The following ADCY1 variants were observed in gnomAD, a reference collection of about 807,000 sequenced individuals.
The protein encoded by ADCY1 is adenylate cyclase type 1.
ADCY1 carries 28 observed loss-of-function variants against 105.4 expected under a neutral mutation model. The observed-to-expected ratio is 0.27, with a 90% CI of 0.20 to 0.36. The LOEUF (loss-of-function observed/expected upper bound fraction) is 0.36, where lower values mean the gene tolerates loss of function less well. ADCY1 is among the 10% of genes least tolerant of loss of function. ADCY1 has a pLI of 1.00. For synonymous variants in ADCY1, 655 were observed against 623.8 expected, an observed-to-expected ratio of 1.05 and a Z score of -0.75; for missense variants, 977 against 1,434.2, an observed-to-expected ratio of 0.68 and a Z score of 5.15.
chr7:45,598,813 C>G (rs991223128), intron 2 of ADCY1, among the ~76,000 whole-genome samples: 1 of 152,238 alleles, frequency 6.6e-6, no homozygotes, highest in Non-Finnish European at 1.5e-5. Flanking sequence ...AGAAAGCTCG[C>G]TCTCTGAGCC....
intron 1 of ADCY1, among the ~76,000 whole-genome samples, chr7:45,581,399 A>G (rs930382160): frequency 2.6e-5 from 4 of 152,188 alleles, no homozygotes; most frequent in African/African-American, 9.7e-5. Flanking sequence ...AAATGTTGGG[A>G]GAGACTCCCA....
chr7:45,625,105 G>A (rs947641865), intron 4 of ADCY1, among the ~76,000 whole-genome samples: 23 of 152,212 alleles, frequency 1.5e-4, no homozygotes. Flanking sequence ...ACGGAGAGCT[G>A]CCTGCTGCTC....
In ADCY1 at chr7:45,655,777, G is replaced by C. The variant is rs78306223; in HGVS notation, c.1149-1950G>C. On this transcript the variant is annotated intron_variant, in intron 5 of 19. Coordinates refer to ENST00000297323, the MANE Select transcript of ADCY1 (RefSeq NM_021116.4). ...TCGAGGGGATCTGGGGATGAAGGTG[G>C]GCATGGGTCCCAGAAGTCTCCGTGC... Among the ~76,000 whole-genome samples, 736 of 152,242 alleles carry C rather than the reference G, an allele frequency of 4.8e-3. 10 individuals carry two copies. Among genetic ancestry groups the C allele is most frequent in the African/African-American group, 0.017 (708 of 41,530 alleles).
At chr7:45,607,169 G>T (rs1734662450) in intron 2 of ADCY1, among the ~76,000 whole-genome samples, 1 of 152,200 alleles carries the variant, frequency 6.6e-6, no homozygotes, top group Non-Finnish European at 1.5e-5. Context: ...GGTTAGAAAT[G>T]CAGTTGTCCT....
At chr7:45,574,270 G>C (rs1792243422), upstream of ADCY1, 1 of 434,566 alleles carries the variant, frequency 2.3e-6, no homozygotes, top group African/African-American at 2.2e-5. This position sits in a 1 kb window ranked among gnomAD's most constrained non-coding sequence, Gnocchi z 7.0. Flanking sequence ...GCCCAGGTTC[G>C]CGGCTCCCGG....
At position 45,574,593 on chromosome 7, in the gene ADCY1, A is replaced by G. The variant is rs2115673824; in HGVS notation, c.50A>G (p.Glu17Gly). The change falls in exon 1 of 20, where the codon GAG becomes GGG. Residue 17 changes from glutamate to glycine, a missense_variant. By Grantham distance (98) the Glu-to-Gly change is moderately conservative. Coordinates refer to ENST00000297323, the MANE Select transcript of ADCY1 (RefSeq NM_021116.4). The surrounding 1 kb of genome is among the most constrained non-coding windows in gnomAD (Gnocchi z 7.0). ...GGCGGCGGCGGAGGCGGCGCGGGCGAGCCCGGGGGCGCCGAGCGGGCGGCC... is the reference window on the plus strand; with the variant it reads ...GGCGGCGGCGGAGGCGGCGCGGGCGGGCCCGGGGGCGCCGAGCGGGCGGCC... ...GGGGGGGGAG[E>G]PGGAERAAGT... 9.3e-7 allele frequency: 1 copy of G among 1,071,296 alleles called. No homozygotes were observed. The highest frequency in any genetic ancestry group is 1.1e-6 in the Non-Finnish European group (1 of 888,234). 66.4% of individuals were successfully genotyped at this position (1,071,296 alleles called of 1,614,324 possible).
Position 45,703,814 on chromosome 7 carries a change from C to G in ADCY1, c.2718+68C>G. 6.7e-7 allele frequency: 1 copy of G among 1,502,396 alleles called. No homozygotes were observed. The highest frequency in any genetic ancestry group is 1.4e-5 in the African/African-American group (1 of 71,606). The allele number at this position is 1,502,396 out of a possible 1,614,324, so 93.1% of individuals were successfully genotyped here. A position where few individuals can be genotyped will look rare whatever the true frequency, so the allele number is the denominator to read the frequency against. On this transcript the variant is annotated intron_variant, in intron 16 of 19. Coordinates refer to ENST00000297323, the MANE Select transcript of ADCY1 (RefSeq NM_021116.4). This position sits in a 1 kb window ranked among gnomAD's most constrained non-coding sequence, Gnocchi z 5.9. ...GGTGCATCCTGTTGCGTGGGCAGAG[C>G]GTGTCTCACAATATGTCACATTCTT...
At chr7:45,651,208 C>T (rs1273484751) in intron 5 of ADCY1, among the ~76,000 whole-genome samples, 3 of 152,240 alleles carry the variant, frequency 2.0e-5, no homozygotes, top group South Asian at 2.1e-4. Context: ...GAAAAGCCAC[C>T]GAAGACTGAG....
chr7:45,602,782 G>C (rs1243083454), intron 2 of ADCY1, among the ~76,000 whole-genome samples: 18 of 152,016 alleles, frequency 1.2e-4, no homozygotes, highest in Admixed American at 1.1e-3. Context: ...TTTTCCTATA[G>C]AGTTATTATT....
intron 5 of ADCY1, 85 bp downstream of exon 5, chr7:45,648,882 T>C (rs1794740437): frequency 1.3e-6 from 2 of 1,532,552 alleles, no homozygotes; most frequent in Admixed American, 3.7e-5. Flanking sequence ...CTGCCCCATG[T>C]GGGCTCCCCT....
At chr7:45,631,752 A>G (rs958454889) in intron 4 of ADCY1, among the ~76,000 whole-genome samples, 6 of 152,252 alleles carry the variant, frequency 3.9e-5, no homozygotes, top group African/African-American at 1.2e-4. Context: ...CACATGAGAA[A>G]GATACACAAA....
chr7:45,687,172 G>T (rs573780619), intron 14 of ADCY1, among the ~76,000 whole-genome samples: 1 of 152,084 alleles, frequency 6.6e-6, no homozygotes, highest in Non-Finnish European at 1.5e-5. Context: ...GACACAAGAG[G>T]CATAAGCACC....
rs985591736 is a variant in ADCY1 at position 45,702,981 on chromosome 7, G to A, written c.2455-395G>A. 3.3e-5 allele frequency among the ~76,000 whole-genome samples: 5 copies of A among 152,346 alleles called. No individual in the cohort carries two copies. In the East Asian group the frequency reaches 7.7e-4, roughly 24 times the overall value. On this transcript the variant is annotated intron_variant, in intron 14 of 19. Transcript: ENST00000297323. ...GGTGTCTGCCCCACCTGGGTGTGAG[G>A]CATTCTAGGACAGGTGCCCTGCGGG...
intron 3 of ADCY1, among the ~76,000 whole-genome samples, chr7:45,616,885 A>T (rs1024716047): frequency 1.3e-5 from 2 of 152,230 alleles, no homozygotes. Flanking sequence ...TAGGAAGCAG[A>T]AGGAAAACAG....
At chr7:45,587,136 C>T (rs1792754704) in intron 1 of ADCY1, among the ~76,000 whole-genome samples, 1 of 152,116 alleles carries the variant, frequency 6.6e-6, no homozygotes, top group South Asian at 2.1e-4. Flanking sequence ...TGAGAAGGGA[C>T]CACCCAGACC....
chr7:45,645,665 C>T (rs1011188293), intron 4 of ADCY1, among the ~76,000 whole-genome samples: 1 of 152,158 alleles, frequency 6.6e-6, no homozygotes, highest in Non-Finnish European at 1.5e-5. Context: ...GCTGGGAACA[C>T]AGCTCAGAGC....
At chr7:45,603,375 G>T (rs1793290740) in intron 2 of ADCY1, among the ~76,000 whole-genome samples, 1 of 152,196 alleles carries the variant, frequency 6.6e-6, no homozygotes, top group Admixed American at 6.5e-5. Flanking sequence ...ATTTTAAGGA[G>T]CTGCTAGACT....
chr7:45,645,311 C>T (rs929555143), intron 4 of ADCY1, among the ~76,000 whole-genome samples: 4 of 152,038 alleles, frequency 2.6e-5, no homozygotes, highest in Admixed American at 2.6e-4. Flanking sequence ...GCTATTTATG[C>T]CTCCTTTTAC....
At chr7:45,669,838 G>T (rs911135419) in intron 8 of ADCY1, among the ~76,000 whole-genome samples, 5 of 152,102 alleles carry the variant, frequency 3.3e-5, no homozygotes, top group African/African-American at 1.2e-4. Context: ...GCATTTTTTT[G>T]ATCTACAATA....
Sources: gnomAD v4.1 joint callset for allele counts (sites outside exome capture counted in the v4.1 genomes callset) on GRCh38, gnomAD v4.1.1 for gene constraint, Gnocchi (gnomAD v3.1) non-coding constraint, MANE v1.5 for transcripts, NCBI Gene and HGNC (gene_info 2026-07-23, HGNC 2026-07-21) for gene names.